Variants in CADPS2 observed in about 807,000 individuals in gnomAD.
CADPS2 encodes calcium dependent secretion activator 2.
A neutral mutation model predicts 172.5 loss-of-function variants in CADPS2; 93 were observed. The observed-to-expected ratio is 0.54, with a 90% CI of 0.46 to 0.64. CADPS2 has a LOEUF of 0.64. Among genes scored for constraint, CADPS2 ranks in the 30% least tolerant of loss-of-function variants. The pLI is 0.00. For synonymous variants in CADPS2, 546 were observed against 555.2 expected (o/e 0.98, Z 0.23); for missense variants, 1,420 against 1,565.9 (o/e 0.91, Z 1.57).
chr7:122,436,296 G>A lies in CADPS2; in HGVS notation c.2476+2045C>T, dbSNP rs547082328. 2.7e-5 allele frequency: 27 copies of A among 984,538 alleles called. No individual in the cohort carries two copies. In the African/African-American group the frequency reaches 3.6e-4, roughly 13 times the overall value. The allele number at this position is 984,538 out of a possible 1,614,324, so 61.0% of individuals were successfully genotyped here. ...CCTGTCAATCATGTCTCAACAAAGTGCTTTAAAAATATCACACCACCACAT... is the reference window on the plus strand; with the variant it reads ...CCTGTCAATCATGTCTCAACAAAGTACTTTAAAAATATCACACCACCACAT... On this transcript the variant is annotated intron_variant, in intron 17 of 29. Transcript: ENST00000449022.
intron 3 of CADPS2, among the ~76,000 whole-genome samples, chr7:122,638,583 T>TG (rs934999156): frequency 2.6e-5 from 4 of 152,294 alleles, no homozygotes; most frequent in African/African-American, 7.2e-5. Flanking sequence ...GTCCAGGGCC[T>TG]GGGGGGGTCC....
intron 1 of CADPS2, among the ~76,000 whole-genome samples, chr7:122,843,420 T>C (rs1811122459): frequency 6.6e-6 from 1 of 152,174 alleles, no homozygotes; most frequent in Admixed American, 6.5e-5. Context: ...TACTTTGACC[T>C]ATGGGGTGTC....
intron 22 of CADPS2, 100 bp from the exon 23 acceptor site, chr7:122,388,838 A>G: frequency 4.8e-6 from 5 of 1,042,574 alleles, no homozygotes; most frequent in Non-Finnish European, 6.6e-6. Context: ...CCATCAGTGA[A>G]AAAAATACCA....
chr7:122,389,619 C>A (rs1224179861), intron 22 of CADPS2, among the ~76,000 whole-genome samples: 1 of 151,882 alleles, frequency 6.6e-6, no homozygotes, highest in Non-Finnish European at 1.5e-5. Context: ...TAGGCTAATA[C>A]AGAAACAAGT....
chr7:122,428,097 T>C (rs542029012), intron 17 of CADPS2, among the ~76,000 whole-genome samples: 58 of 152,318 alleles, frequency 3.8e-4, no homozygotes, highest in East Asian at 3.1e-3. Context: ...AGTGGAGCAG[T>C]GGTTCTCAAT....
chr7:122,777,011 C>T (rs918474602), intron 1 of CADPS2, among the ~76,000 whole-genome samples: 1 of 151,964 alleles, frequency 6.6e-6, no homozygotes, highest in African/African-American at 2.4e-5. Flanking sequence ...ATTAGCCAAG[C>T]ACGGCAGTGT....
intron 9 of CADPS2, among the ~76,000 whole-genome samples, chr7:122,497,943 A>G (rs780827983): frequency 3.9e-5 from 6 of 152,076 alleles, no homozygotes; most frequent in Non-Finnish European, 7.4e-5. Context: ...TGAAAGTTCA[A>G]CTGCAGTTCT....
At chr7:122,383,094 A>G (rs923019579) in intron 24 of CADPS2, among the ~76,000 whole-genome samples, 5 of 152,164 alleles carry the variant, frequency 3.3e-5, no homozygotes, top group African/African-American at 1.2e-4. Context: ...GTGTCCATCA[A>G]TGGTAGACCA....
chr7:122,827,837 T>C (rs1217060411), intron 1 of CADPS2, among the ~76,000 whole-genome samples: 1 of 151,936 alleles, frequency 6.6e-6, no homozygotes, highest in African/African-American at 2.4e-5. Context: ...TTAAAAAATA[T>C]CAACAAAAAG....
At chr7:122,525,400 C>T (rs964290531) in intron 8 of CADPS2, among the ~76,000 whole-genome samples, 1 of 152,140 alleles carries the variant, frequency 6.6e-6, no homozygotes, top group African/African-American at 2.4e-5. Context: ...TTCCCAATAG[C>T]CTCTTCTACG....
intron 1 of CADPS2, among the ~76,000 whole-genome samples, chr7:122,780,540 C>G (rs954051117): frequency 1.3e-5 from 2 of 152,076 alleles, no homozygotes; most frequent in Non-Finnish European, 2.9e-5. Context: ...CGATTTAGCC[C>G]ATTCTGGGTT....
intron 6 of CADPS2, among the ~76,000 whole-genome samples, chr7:122,582,510 C>A (rs992063355): frequency 6.6e-6 from 1 of 151,660 alleles, no homozygotes; most frequent in Non-Finnish European, 1.5e-5. Flanking sequence ...TTTTAGACTT[C>A]CAGAATGGGG....
intron 9 of CADPS2, among the ~76,000 whole-genome samples, chr7:122,503,892 G>A (rs555111407): frequency 6.6e-5 from 10 of 152,220 alleles, no homozygotes; most frequent in African/African-American, 2.4e-4. Flanking sequence ...AAATAATTTG[G>A]GTGATGAATT....
At chr7:122,668,858 C>CGAATA (rs1374892260) in intron 2 of CADPS2, among the ~76,000 whole-genome samples, 2 of 152,204 alleles carry the variant, frequency 1.3e-5, no homozygotes, top group African/African-American at 4.8e-5. Context: ...CCACTTTATT[C>CGAATA]ATCTGCCTTA....
At chr7:122,615,112 G>A (rs2074750608) in intron 6 of CADPS2, 69 bp downstream of exon 6, 4 of 925,520 alleles carry the variant, frequency 4.3e-6, no homozygotes, top group Non-Finnish European at 6.6e-6. Flanking sequence ...CACATAAACA[G>A]AGCATGTTTC....
chr7:122,799,540 C>G lies in CADPS2; in HGVS notation c.340-62472G>C, dbSNP rs1408235162. On this transcript the variant is annotated intron_variant, in intron 1 of 29. Coordinates refer to ENST00000449022, the MANE Select transcript of CADPS2 (RefSeq NM_017954.11). ...ATGGCGTGAACCCCGGGAGGTGGAG[C>G]TTGCAGTAAGCAGAGATCGCACCAC... is the stretch of plus-strand genomic sequence containing the variant. 2.0e-5 allele frequency among the ~76,000 whole-genome samples: 3 copies of G among 148,288 alleles called. No individual in the cohort carries two copies. The Admixed American group carries it at 2.1e-4, about 10-fold the overall frequency.
At chr7:122,528,123 G>A (rs1163744448) in intron 8 of CADPS2, among the ~76,000 whole-genome samples, 1 of 41,910 alleles carries the variant, frequency 2.4e-5, no homozygotes, top group Non-Finnish European at 6.8e-5. Context: ...GGTGGTGGTG[G>A]TGGTGGTGGT....
At chr7:122,436,514 T>C (rs2050665478) in intron 17 of CADPS2, 1 of 276,234 alleles carries the variant, frequency 3.6e-6, no homozygotes, top group African/African-American at 2.4e-5. Flanking sequence ...CATAAATACT[T>C]TTTTTTTCTT....
At position 122,621,398 on chromosome 7, in the gene CADPS2, A is replaced by C. The variant is rs1230851858; in HGVS notation, c.1104+83T>G. 5.5e-6 allele frequency: 5 copies of C among 907,920 alleles called. No individual in the cohort carries two copies. The African/African-American group carries it at 8.3e-5, about 15-fold the overall frequency. The allele number at this position is 907,920 out of a possible 1,614,324, so 56.2% of individuals were successfully genotyped here. A position where few individuals can be genotyped will look rare whatever the true frequency, so the allele number is the denominator to read the frequency against. On this transcript the variant is annotated intron_variant, in intron 5 of 29. Coordinates refer to ENST00000449022, the MANE Select transcript of CADPS2 (RefSeq NM_017954.11). ...CATATATTACACTGTTTTAAATTCT[A>C]AAAGTTACTGCAAAGGTCAACAGAA...
Sources: gnomAD v4.1 joint callset for allele counts (sites outside exome capture counted in the v4.1 genomes callset) on GRCh38, gnomAD v4.1.1 for gene constraint, MANE v1.5 for transcripts, NCBI Gene and HGNC (gene_info 2026-07-23, HGNC 2026-07-21) for gene names.